Variants in SLC5A4 observed in about 807,000 individuals in gnomAD.
The protein encoded by SLC5A4 is solute carrier family 5 member 4, also known as probable glucose sensor protein SLC5A4.
A neutral mutation model predicts 70.3 loss-of-function variants in SLC5A4; 55 were observed. That is an observed-to-expected ratio of 0.78 (90% CI 0.63 to 0.98). The LOEUF (loss-of-function observed/expected upper bound fraction) is 0.98, where lower values mean the gene tolerates loss of function less well. Among genes scored for constraint, SLC5A4 ranks in the 50% least tolerant of loss-of-function variants. The pLI, the probability that SLC5A4 is intolerant of heterozygous loss-of-function variation, is 0.00. For missense variants in SLC5A4, 735 were observed against 839.2 expected (o/e 0.88, Z 1.53); for synonymous variants, 268 against 305.7 (o/e 0.88, Z 1.29).
intron 1 of SLC5A4, 96 bp from the exon 2 acceptor site, chr22:32,254,309 G>T: frequency 1.2e-6 from 1 of 824,828 alleles, no homozygotes; most frequent in Non-Finnish European, 2.1e-6. Flanking sequence ...GGTGACTTCA[G>T]CACTCCTACA....
chr22:32,288,946 C>CT, the SLC5A4 span, among the ~76,000 whole-genome samples: 5 of 152,064 alleles, frequency 3.3e-5, no homozygotes, highest in South Asian at 4.2e-4. Context: ...ATCCTTATAC[C>CT]TTTTTTTTCT....
At chr22:32,322,777 C>T in the SLC5A4 span, among the ~76,000 whole-genome samples, 1 of 151,964 alleles carries the variant, frequency 6.6e-6, no homozygotes, top group African/African-American at 2.4e-5. Context: ...TCTCACATGC[C>T]AAGGGAAGCT....
At chr22:32,269,981 C>G in the SLC5A4 span, 1 of 515,536 alleles carries the variant, frequency 1.9e-6, no homozygotes, top group Non-Finnish European at 3.9e-6. The surrounding 1 kb of genome is among the most constrained non-coding windows in gnomAD (Gnocchi z 4.1). Flanking sequence ...CTGGGCAACT[C>G]TCTCCTCCTC....
At chr22:32,233,684 A>G (rs536317392) in intron 8 of SLC5A4, among the ~76,000 whole-genome samples, 138 of 152,260 alleles carry the variant, frequency 9.1e-4, no homozygotes, top group African/African-American at 3.2e-3. Flanking sequence ...AAAATTGGCC[A>G]GGTGCGGTGG....
the SLC5A4 span, among the ~76,000 whole-genome samples, chr22:32,335,976 C>CAT: frequency 4.6e-5 from 7 of 152,204 alleles, no homozygotes; most frequent in African/African-American, 1.7e-4. Flanking sequence ...TTCCAACAAG[C>CAT]ATCTATTCTT....
At chr22:32,343,652 A>G in the SLC5A4 span, among the ~76,000 whole-genome samples, 119 of 152,296 alleles carry the variant, frequency 7.8e-4, no homozygotes, top group African/African-American at 2.7e-3. Flanking sequence ...GCTAATCTTC[A>G]TGCATAGCTA....
the SLC5A4 span, among the ~76,000 whole-genome samples, chr22:32,288,656 C>G: frequency 1.3e-5 from 2 of 152,096 alleles, no homozygotes; most frequent in Non-Finnish European, 2.9e-5. Flanking sequence ...AAGTGATTCT[C>G]CTGCCTCAGC....
At position 32,248,749 on chromosome 22, in the gene SLC5A4, C is replaced by A; in HGVS notation, c.366G>T (p.Lys122Asn). The change falls in exon 4 of 15, where the codon AAG becomes AAT. Residue 122 changes from lysine (K) to asparagine (N), a missense_variant. Lys to Asn is a moderately conservative substitution (Grantham distance 94). Coordinates refer to ENST00000266086, the MANE Select transcript of SLC5A4 (RefSeq NM_014227.3). ...LGWIFVPIYI[K>N]SGVMTMPEYL... ...TTTGGTAACAGATACTCACCCCCGA[C>A]TTGATGTAGATAGGGACAAAGATCC... 1.2e-6 allele frequency: 2 copies of A among 1,611,868 alleles called. No homozygotes were observed. Among genetic ancestry groups the A allele is most frequent in the Non-Finnish European group, 1.7e-6 (2 of 1,177,982 alleles).
chr22:32,263,804 GC>G, the SLC5A4 span, among the ~76,000 whole-genome samples: 1 of 152,126 alleles, frequency 6.6e-6, no homozygotes, highest in Admixed American at 6.5e-5. Flanking sequence ...CAACCCAAAT[GC>G]CCATCAATGG....
At chr22:32,238,897 A>G in intron 6 of SLC5A4, 88 bp downstream of exon 6, 1 of 893,660 alleles carries the variant, frequency 1.1e-6, no homozygotes, top group Non-Finnish European at 1.9e-6. Flanking sequence ...CTCGGCAGTG[A>G]CAAGGTTAAC....
the SLC5A4 span, among the ~76,000 whole-genome samples, chr22:32,343,266 G>A: frequency 6.6e-6 from 1 of 152,312 alleles, no homozygotes; most frequent in South Asian, 2.1e-4. Context: ...TGGCCATAGA[G>A]ACATAGTCAG....
the SLC5A4 span, among the ~76,000 whole-genome samples, chr22:32,303,849 A>G: frequency 2.0e-5 from 3 of 152,252 alleles, no homozygotes; most frequent in African/African-American, 7.2e-5. Context: ...GATGGTAAAA[A>G]TATGTTTTGT....
At chr22:32,344,456 T>C in the SLC5A4 span, among the ~76,000 whole-genome samples, 5 of 152,328 alleles carry the variant, frequency 3.3e-5, no homozygotes, top group East Asian at 1.9e-4. Flanking sequence ...GGAAAGTATA[T>C]GTTTTTATGT....
chr22:32,247,628 C>A, intron 4 of SLC5A4, 113 bp from the exon 5 acceptor site: 1 of 706,324 alleles, frequency 1.4e-6, no homozygotes. Flanking sequence ...TGGCCCCTTC[C>A]TGGTGATGGA....
At chr22:32,258,834 G>A (rs1398432575), upstream of SLC5A4, among the ~76,000 whole-genome samples, 3 of 152,210 alleles carry the variant, frequency 2.0e-5, no homozygotes, top group African/African-American at 7.2e-5. Context: ...ATGTCCATCA[G>A]TGGATGCATG....
Position 32,225,643 on chromosome 22 carries a change from G to T in SLC5A4, c.1449+12C>A. 1 of 1,570,678 alleles carries T rather than the reference G, an allele frequency of 6.4e-7. No individual in the cohort carries two copies. The highest frequency in any genetic ancestry group is 8.6e-7 in the Non-Finnish European group (1 of 1,160,520). ...CTCCAGCAGGGAAACTTTTTTTCCA[G>T]TTTTCACTCACCTGTTCATTGACTC... On this transcript the variant is annotated intron_variant, in intron 12 of 14. Coordinates refer to ENST00000266086, the MANE Select transcript of SLC5A4 (RefSeq NM_014227.3).
At chr22:32,323,592 A>G in the SLC5A4 span, among the ~76,000 whole-genome samples, 2 of 152,306 alleles carry the variant, frequency 1.3e-5, no homozygotes, top group Non-Finnish European at 2.9e-5. Flanking sequence ...CGGTGCCATT[A>G]GGCTGGAAAA....
At chr22:32,344,895 A>C in the SLC5A4 span, among the ~76,000 whole-genome samples, 1 of 152,202 alleles carries the variant, frequency 6.6e-6, no homozygotes, top group Non-Finnish European at 1.5e-5. Context: ...AAAGAAAAAA[A>C]CCCACAAGAA....
At chr22:32,231,637 G>A (rs560642229) in intron 9 of SLC5A4, among the ~76,000 whole-genome samples, 8 of 152,296 alleles carry the variant, frequency 5.3e-5, no homozygotes, top group Admixed American at 3.3e-4. Flanking sequence ...AAAGAATCAC[G>A]CAGAAAAATA....
Sources: gnomAD v4.1 joint callset for allele counts (sites outside exome capture counted in the v4.1 genomes callset) on GRCh38, gnomAD v4.1.1 for gene constraint, Gnocchi (gnomAD v3.1) non-coding constraint, MANE v1.5 for transcripts, NCBI Gene and HGNC (gene_info 2026-07-23, HGNC 2026-07-21) for gene names.